MSI2: variants seen among roughly 807,000 people sequenced by gnomAD.
MSI2 encodes musashi RNA binding protein 2, also known as RNA-binding protein Musashi homolog 2.
Under a neutral mutation model 45.6 loss-of-function variants are expected in MSI2, and 17 were observed. The ratio of observed to expected loss-of-function variants is 0.37; its 90% CI spans 0.26 to 0.56. The LOEUF (loss-of-function observed/expected upper bound fraction) is 0.56. MSI2 is among the 20% of genes least tolerant of loss of function. The pLI is 0.77. For synonymous variants in MSI2, 156 were observed against 158.2 expected (o/e 0.99, Z 0.11); for missense variants, 293 against 444.2 (o/e 0.66, Z 3.06).
chr17:57,420,850 T>C (rs918419197), intron 6 of MSI2, among the ~76,000 whole-genome samples: 1 of 152,220 alleles, frequency 6.6e-6, no homozygotes, highest in Non-Finnish European at 1.5e-5. Context: ...CTGGTACAAT[T>C]GCCTCCGCAA....
intron 8 of MSI2, among the ~76,000 whole-genome samples, chr17:57,615,367 C>T (rs1170829715): frequency 6.6e-6 from 1 of 152,042 alleles, no homozygotes; most frequent in African/African-American, 2.4e-5. Context: ...TGGGCTCAAG[C>T]TGATTCACCT....
chr17:57,662,526 T>A (rs1912062700), intron 11 of MSI2, among the ~76,000 whole-genome samples: 1 of 152,214 alleles, frequency 6.6e-6, no homozygotes. Context: ...AACTGTAGTT[T>A]GGAAAGGATA....
intron 5 of MSI2, among the ~76,000 whole-genome samples, chr17:57,337,038 G>T (rs923961988): frequency 6.6e-6 from 1 of 152,194 alleles, no homozygotes; most frequent in African/African-American, 2.4e-5. Context: ...TCCATGTGGG[G>T]CCCTCCAGAG....
At chr17:57,501,285 C>T (rs953308750) in intron 6 of MSI2, among the ~76,000 whole-genome samples, 2 of 152,226 alleles carry the variant, frequency 1.3e-5, no homozygotes, top group Non-Finnish European at 2.9e-5. Context: ...CGGACATCTG[C>T]AGGAGTGTTT....
At chr17:57,327,589 T>C (rs1913907566) in intron 5 of MSI2, among the ~76,000 whole-genome samples, 1 of 152,202 alleles carries the variant, frequency 6.6e-6, no homozygotes, top group East Asian at 1.9e-4. Flanking sequence ...CAAGGGATAA[T>C]GTGGTGTGTG....
chr17:57,424,204 A>C (rs2084448232), intron 6 of MSI2, among the ~76,000 whole-genome samples: 1 of 152,196 alleles, frequency 6.6e-6, no homozygotes, highest in African/African-American at 2.4e-5. Flanking sequence ...AAGCTCTTCA[A>C]ACAAAAGAAT....
chr17:57,506,777 T>A (rs2086238457), intron 6 of MSI2, among the ~76,000 whole-genome samples: 1 of 152,200 alleles, frequency 6.6e-6, no homozygotes, highest in Admixed American at 6.5e-5. Context: ...CCTTCCTGTG[T>A]CTTCCTCCAT....
chr17:57,519,355 A>G (rs994966534), intron 6 of MSI2, among the ~76,000 whole-genome samples: 1 of 152,124 alleles, frequency 6.6e-6, no homozygotes, highest in African/African-American at 2.4e-5. Context: ...GTAGGCGCTC[A>G]CTGGCTACCA....
intron 7 of MSI2, among the ~76,000 whole-genome samples, chr17:57,535,782 G>A (rs2086908353): frequency 6.6e-6 from 1 of 152,212 alleles, no homozygotes; most frequent in African/African-American, 2.4e-5. Flanking sequence ...CAGGCAGGTG[G>A]CCGGAGAGCT....
chr17:57,507,998 G>T (rs906188689), intron 6 of MSI2, among the ~76,000 whole-genome samples: 3 of 152,198 alleles, frequency 2.0e-5, no homozygotes, highest in Admixed American at 2.0e-4. Context: ...CACCAAGCCA[G>T]CTGATGCTAG....
At chr17:57,309,819 C>T (rs769906818) in intron 5 of MSI2, among the ~76,000 whole-genome samples, 1 of 152,010 alleles carries the variant, frequency 6.6e-6, no homozygotes, top group Non-Finnish European at 1.5e-5. Flanking sequence ...GAGGGAGGCA[C>T]GACTCAGTGG....
chr17:57,539,038 C>T (rs1329764716), intron 7 of MSI2, among the ~76,000 whole-genome samples: 1 of 152,132 alleles, frequency 6.6e-6, no homozygotes, highest in Non-Finnish European at 1.5e-5. Flanking sequence ...TTTATGCACA[C>T]GTGCATATCA....
chr17:57,401,274 T>G (rs1451893205), intron 5 of MSI2, 105 bp from the exon 6 acceptor site: 1 of 902,732 alleles, frequency 1.1e-6, no homozygotes, highest in East Asian at 2.4e-5. Flanking sequence ...ATATCTAAAA[T>G]TGCCTTCCTA....
intron 6 of MSI2, among the ~76,000 whole-genome samples, chr17:57,432,069 C>T (rs1046545687): frequency 1.3e-5 from 2 of 152,014 alleles, no homozygotes; most frequent in Non-Finnish European, 2.9e-5. Context: ...TTAATCACGC[C>T]GAGTTGTGTC....
intron 10 of MSI2, among the ~76,000 whole-genome samples, chr17:57,636,517 C>T (rs962443276): frequency 1.3e-5 from 2 of 152,114 alleles, no homozygotes; most frequent in Admixed American, 6.5e-5. Context: ...GGCGAGACCC[C>T]GGGGTGCGCT....
At chr17:57,585,859 C>T (rs1318882148) in intron 7 of MSI2, among the ~76,000 whole-genome samples, 1 of 152,224 alleles carries the variant, frequency 6.6e-6, no homozygotes, top group African/African-American at 2.4e-5. Context: ...GATGCGGAGG[C>T]GGCACGTCCT....
intron 11 of MSI2, chr17:57,671,676 G>A (rs1050408235): frequency 1.3e-5 from 2 of 149,806 alleles, no homozygotes; most frequent in Non-Finnish European, 2.9e-5. Flanking sequence ...TTCCTGCGTA[G>A]CCAGCCAGTG....
chr17:57,272,599 C>T (rs1370741946), intron 5 of MSI2, among the ~76,000 whole-genome samples: 1 of 152,170 alleles, frequency 6.6e-6, no homozygotes, highest in Non-Finnish European at 1.5e-5. Flanking sequence ...CCATGTTGCT[C>T]TTGTGCAAGA....
At chr17:57,486,230 C>G (rs1279606611) in intron 6 of MSI2, among the ~76,000 whole-genome samples, 3 of 152,262 alleles carry the variant, frequency 2.0e-5, no homozygotes, top group African/African-American at 7.2e-5. Flanking sequence ...TACCCTCCCT[C>G]TAATCAACAG....
Sources: allele counts gnomAD v4.1 joint callset (sites outside exome capture counted in the v4.1 genomes callset), GRCh38; gene constraint gnomAD v4.1.1; transcripts MANE v1.5; gene names NCBI Gene and HGNC (gene_info 2026-07-23, HGNC 2026-07-21).